DNAH7: variants seen among roughly 807,000 people sequenced by gnomAD.
The protein encoded by DNAH7 is axonemal beta dynein heavy chain 7.
Under a neutral mutation model 444.6 loss-of-function variants are expected in DNAH7, and 397 were observed. The observed-to-expected ratio is 0.89, with a 90% confidence interval of 0.82 to 0.97. The LOEUF is 0.97. Ranked by LOEUF, DNAH7 falls within the 50% of genes least tolerant of loss-of-function variation. The pLI, the probability that DNAH7 is intolerant of heterozygous loss-of-function variation, is 0.00. For synonymous variants in DNAH7, 1,636 were observed against 1,624.4 expected, an observed-to-expected ratio of 1.01 and a Z score of -0.17; for missense variants, 4,902 against 4,800.8, an observed-to-expected ratio of 1.02 and a Z score of -0.62.
intron 12 of DNAH7, among the ~76,000 whole-genome samples, chr2:195,991,139 T>C (rs1250233790): frequency 1.3e-5 from 2 of 151,732 alleles, no homozygotes; most frequent in Non-Finnish European, 2.9e-5. Context: ...TTTCTGGCTG[T>C]TTTTTACATT....
At chr2:195,964,526 GT>G (rs34416268) in intron 17 of DNAH7, among the ~76,000 whole-genome samples, 6,446 of 119,042 alleles carry the variant, frequency 0.054, 244 homozygotes, top group East Asian at 0.26. Context: ...AGTTCTAATA[GT>G]TTTTTTTTTT....
At chr2:195,784,286 C>G (rs1695513452) in intron 58 of DNAH7, among the ~76,000 whole-genome samples, 2 of 152,032 alleles carry the variant, frequency 1.3e-5, no homozygotes, top group South Asian at 4.2e-4. Flanking sequence ...CCTTGGGAAC[C>G]AATAATCATT....
In DNAH7 at chr2:196,031,715, G is replaced by C. The variant is rs150146198; in HGVS notation, c.399-3668C>G. Among the ~76,000 whole-genome samples the C allele has an allele frequency of 2.5e-3, 375 of 152,258 alleles. 1 individual carries two copies. The highest frequency in any genetic ancestry group is 8.5e-3 in the African/African-American group (353 of 41,544). On this transcript the variant is annotated intron_variant, in intron 5 of 64. Coordinates refer to ENST00000312428, the MANE Select transcript of DNAH7 (RefSeq NM_018897.3). ...CAGTCTCTTTGCTAAAACATAACAA[G>C]AGTCACTTTTGCTCCAGTTCCCAAC...
chr2:195,920,131 T>G (rs1280676417), intron 24 of DNAH7, among the ~76,000 whole-genome samples: 1 of 152,156 alleles, frequency 6.6e-6, no homozygotes, highest in South Asian at 2.1e-4. Context: ...ATGACCATAC[T>G]GCCAAAAGCA....
intron 61 of DNAH7, among the ~76,000 whole-genome samples, chr2:195,761,821 A>G (rs989541257): frequency 1.3e-5 from 2 of 152,198 alleles, no homozygotes; most frequent in Non-Finnish European, 2.9e-5. Context: ...GACTTGTTCT[A>G]TAAGAAATAC....
intron 58 of DNAH7, among the ~76,000 whole-genome samples, chr2:195,783,183 A>T (rs1397018595): frequency 1.3e-5 from 2 of 152,090 alleles, no homozygotes; most frequent in African/African-American, 4.8e-5. Flanking sequence ...AGTCATTTCA[A>T]TCCTTTCCCC....
At position 195,910,206 on chromosome 2, in the gene DNAH7, T is replaced by G. The variant is rs574629833; in HGVS notation, c.3936-11A>C. The G allele has an allele frequency of 1.6e-5, 25 of 1,575,506 alleles. No homozygotes were observed. In the South Asian group the frequency reaches 2.9e-4, roughly 19 times the overall value. The stretch of plus-strand genomic sequence containing the variant: ...GCTCCAAATAAGGTTCTGAAACATA[T>G]GAAATAGACATTCTTTGTAGAATAA... On this transcript the variant is annotated splice_polypyrimidine_tract_variant and intron_variant, in intron 24 of 64. Transcript: ENST00000312428.
Position 195,740,844 on chromosome 2 carries a change from C to G in DNAH7, c.11790G>C (p.Leu3930=), listed in dbSNP as rs1251141812. The part of the protein sequence containing the change: ...EDGVFIHGLF[L]DGASWNRKIK... ...TCTTTCTATTCCAGGAAGCTCCATC[C>G]AGAAATAATCCGTGAATGAAAACAC... is the stretch of plus-strand genomic sequence containing the variant. Residue 3930 remains leucine, a synonymous_variant, in exon 64 of 65, where the codon CTG becomes CTC. Transcript: ENST00000312428. 1.3e-6 allele frequency: 2 copies of G among 1,554,868 alleles called. No individual in the cohort carries two copies. Among genetic ancestry groups the G allele is most frequent in the Admixed American group, 3.7e-5 (2 of 53,402 alleles).
intron 40 of DNAH7, among the ~76,000 whole-genome samples, chr2:195,869,514 AAAG>A (rs1700553692): frequency 6.6e-6 from 1 of 152,176 alleles, no homozygotes; most frequent in South Asian, 2.1e-4. Flanking sequence ...AATATTATGA[AAAG>A]AAGTAAAATA....
intron 54 of DNAH7, among the ~76,000 whole-genome samples, chr2:195,803,641 A>C (rs1285827024): frequency 1.3e-5 from 2 of 152,212 alleles, no homozygotes; most frequent in East Asian, 3.8e-4. Flanking sequence ...CCATTCTCCC[A>C]CAGGCAGGGA....
chr2:195,796,052 C>T (rs1286549917), intron 56 of DNAH7, among the ~76,000 whole-genome samples: 1 of 152,098 alleles, frequency 6.6e-6, no homozygotes, highest in Non-Finnish European at 1.5e-5. Context: ...GAATTTCTGC[C>T]AACCAGAACA....
At chr2:195,969,451 C>T (rs1486340695) in intron 17 of DNAH7, among the ~76,000 whole-genome samples, 1 of 152,094 alleles carries the variant, frequency 6.6e-6, no homozygotes, top group Non-Finnish European at 1.5e-5. Context: ...GGCTCTTTTT[C>T]CTCCAGCTTC....
chr2:195,976,753 G>A (rs966149600), intron 15 of DNAH7, among the ~76,000 whole-genome samples: 17 of 117,548 alleles, frequency 1.4e-4, no homozygotes, highest in African/African-American at 7.5e-4. Flanking sequence ...CAGACAGAGA[G>A]AGAGAGAGAG....
intron 15 of DNAH7, among the ~76,000 whole-genome samples, chr2:195,972,839 T>A (rs2125579498): frequency 6.6e-6 from 1 of 152,284 alleles, no homozygotes; most frequent in South Asian, 2.1e-4. Context: ...TACACTGTGA[T>A]GAAAGACAGA....
Position 196,057,788 on chromosome 2 carries a change from TACC to T in DNAH7, c.78+263_78+265del, listed in dbSNP as rs1697899457. Among the ~76,000 whole-genome samples, 6 of 152,226 alleles carry T rather than the reference TACC, an allele frequency of 3.9e-5. No homozygotes were observed. In the South Asian group the frequency reaches 1.2e-3, roughly 32 times the overall value. The stretch of plus-strand genomic sequence containing the variant: ...TAACTCAACCGCATTAAACTCAACA[TACC>T]TAGACAGCAAATTTTATTCTGTAAA... On this transcript the variant is annotated intron_variant, in intron 2 of 64. Coordinates refer to ENST00000312428, the MANE Select transcript of DNAH7 (RefSeq NM_018897.3).
In DNAH7 at chr2:196,040,475, T is replaced by C. The variant is rs151155975; in HGVS notation, c.398+6877A>G. On this transcript the variant is annotated intron_variant, in intron 5 of 64. Coordinates refer to ENST00000312428, the MANE Select transcript of DNAH7 (RefSeq NM_018897.3). ...ACATCAACCAAAGAAAGAGAAACCA[T>C]ACAATCATCTTAATAGATGTGGAAA... Among the ~76,000 whole-genome samples, 5 of 152,152 alleles carry C rather than the reference T, an allele frequency of 3.3e-5. No homozygotes were observed. The East Asian group carries it at 5.8e-4, about 18-fold the overall frequency.
At chr2:195,878,967 A>T (rs928651071) in intron 36 of DNAH7, among the ~76,000 whole-genome samples, 1 of 152,202 alleles carries the variant, frequency 6.6e-6, no homozygotes, top group African/African-American at 2.4e-5. Flanking sequence ...GAATTTAGAA[A>T]AAAACTGTAG....
At chr2:195,907,491 G>A (rs755264581) in intron 25 of DNAH7, among the ~76,000 whole-genome samples, 5 of 152,180 alleles carry the variant, frequency 3.3e-5, no homozygotes, top group Admixed American at 2.0e-4. Flanking sequence ...TGTGCCATTC[G>A]ATCATAAGGA....
At chr2:196,026,072 T>C (rs2125776809) in intron 7 of DNAH7, among the ~76,000 whole-genome samples, 1 of 152,310 alleles carries the variant, frequency 6.6e-6, no homozygotes, top group Middle Eastern at 3.4e-3. Context: ...AAATTATTTA[T>C]GTAAAGGGTT....
Sources: gnomAD v4.1 joint callset for allele counts (sites outside exome capture counted in the v4.1 genomes callset) on GRCh38, gnomAD v4.1.1 for gene constraint, MANE v1.5 for transcripts, NCBI Gene and HGNC (gene_info 2026-07-23, HGNC 2026-07-21) for gene names.